The following NPL variants were observed in gnomAD, a reference collection of about 807,000 sequenced individuals.
NPL encodes N-acetylneuraminate pyruvate lyase.
A neutral mutation model predicts 41.1 loss-of-function variants in NPL; 32 were observed. The observed-to-expected ratio is 0.78, with a 90% CI of 0.59 to 1.05. The LOEUF (loss-of-function observed/expected upper bound fraction) is 1.05. Ranked by LOEUF, NPL falls within the 50% of genes least tolerant of loss-of-function variation. NPL has a pLI of 0.00. For missense variants in NPL, 321 were observed against 378.4 expected, an observed-to-expected ratio of 0.85 and a Z score of 1.26; for synonymous variants, 128 against 134.9, an observed-to-expected ratio of 0.95 and a Z score of 0.35.
At chr1:182,824,594 G>C (rs560636015) in intron 11 of NPL, among the ~76,000 whole-genome samples, 1 of 152,222 alleles carries the variant, frequency 6.6e-6, no homozygotes, top group South Asian at 2.1e-4. Flanking sequence ...TCAGGAGATT[G>C]AGACCATCAT....
At position 182,829,427 on chromosome 1, in the gene NPL, T is replaced by C. The variant is rs1667711518; in HGVS notation, c.*519T>C. 1.4e-6 allele frequency: 2 copies of C among 1,418,162 alleles called. No individual in the cohort carries two copies. The highest frequency in any genetic ancestry group is 1.4e-5 in the African/African-American group (1 of 69,042). 87.8% of individuals were successfully genotyped at this position (1,418,162 alleles called of 1,614,324 possible). On this transcript the variant is annotated 3_prime_UTR_variant, in exon 13 of 13. Transcript: ENST00000367553. Reference sequence around the variant, plus strand: ...AGCTCATTTGGCTGCTCAGTCTAACTCTAGAATGGATGCTTTTGAATTCAT... The same window carrying C: ...AGCTCATTTGGCTGCTCAGTCTAACCCTAGAATGGATGCTTTTGAATTCAT...
At chr1:182,822,548 G>A (rs1341188414) in intron 11 of NPL, among the ~76,000 whole-genome samples, 6 of 152,194 alleles carry the variant, frequency 3.9e-5, no homozygotes, top group Admixed American at 6.5e-5. Context: ...CATCACATCA[G>A]AGTTATCACA....
intron 5 of NPL, chr1:182,806,561 C>T (rs1667016723): frequency 1.3e-6 from 2 of 1,533,490 alleles, no homozygotes; most frequent in Non-Finnish European, 1.7e-6. Flanking sequence ...ACGGACTCTG[C>T]TGGTCACTTG....
chr1:182,822,018 G>C (rs543028102), intron 10 of NPL, 97 bp from the exon 11 acceptor site: 19 of 801,088 alleles, frequency 2.4e-5, no homozygotes, highest in Non-Finnish European at 4.2e-5. Context: ...AGGAGGACTA[G>C]GTGTATTTTT....
intron 11 of NPL, among the ~76,000 whole-genome samples, chr1:182,822,587 C>A (rs920862658): frequency 2.0e-5 from 3 of 152,182 alleles, no homozygotes; most frequent in African/African-American, 7.2e-5. Context: ...AAGATGGTAA[C>A]CTAAAATGGG....
In NPL at chr1:182,828,561, G is replaced by A. The variant is rs1482586645; in HGVS notation, c.779-163G>A. On this transcript the variant is annotated intron_variant, in intron 12 of 12. Coordinates refer to ENST00000367553, the MANE Select transcript of NPL (RefSeq NM_030769.3). This position sits in a 1 kb window ranked among gnomAD's most constrained non-coding sequence, Gnocchi z 4.0. ...TGTTTGAAGCAGGAAGAGGGATTTCGAATGATTGCTCATCTGTCATATTGA... is the reference window on the plus strand; with the variant it reads ...TGTTTGAAGCAGGAAGAGGGATTTCAAATGATTGCTCATCTGTCATATTGA... Among the ~76,000 whole-genome samples the A allele has an allele frequency of 7.2e-5, 11 of 152,116 alleles. No individual in the cohort carries two copies. Among genetic ancestry groups the A allele is most frequent in the Admixed American group, 5.9e-4 (9 of 15,282 alleles).
Position 182,796,166 on chromosome 1 carries a change from C to CAAAAAA in NPL, c.68+1742_68+1747dup, listed in dbSNP as rs11419574. 1.2e-3 allele frequency among the ~76,000 whole-genome samples: 120 copies of CAAAAAA among 103,178 alleles called. 2 individuals carry two copies. Among genetic ancestry groups the CAAAAAA allele is most frequent in the African/African-American group, 3.4e-3 (94 of 27,952 alleles). 67.7% of individuals were successfully genotyped at this position (103,178 alleles called of 152,430 possible). Reference sequence around the variant, plus strand: ...ACCTTACTTTCCTAAGGTGTGAAATCAAAAAAAAAAAAAAAAAAAAGAATG... The same window carrying CAAAAAA: ...ACCTTACTTTCCTAAGGTGTGAAATCAAAAAAAAAAAAAAAAAAAAAAAAAAGAATG... On this transcript the variant is annotated intron_variant, in intron 3 of 12. Coordinates refer to ENST00000367553, the MANE Select transcript of NPL (RefSeq NM_030769.3).
At chr1:182,791,148 A>T (rs1666505133) in intron 1 of NPL, 1 of 152,130 alleles carries the variant, frequency 6.6e-6, no homozygotes, top group Admixed American at 6.5e-5. Flanking sequence ...GTTTGGGGGA[A>T]TTCTGAGGTT....
intron 3 of NPL, among the ~76,000 whole-genome samples, chr1:182,802,996 C>G (rs547034852): frequency 8.9e-4 from 135 of 152,340 alleles, no homozygotes; most frequent in Non-Finnish European, 1.5e-3. Context: ...TCCCTTCTAA[C>G]TGCTAACCTT....
At chr1:182,809,423 C>T (rs1048840868) in intron 5 of NPL, 1 of 263,578 alleles carries the variant, frequency 3.8e-6, no homozygotes, top group African/African-American at 2.3e-5. Flanking sequence ...ACCTGTAATC[C>T]CAGCTAAGCA....
intron 5 of NPL, chr1:182,806,644 TC>T: frequency 8.4e-7 from 1 of 1,194,740 alleles, no homozygotes; most frequent in Non-Finnish European, 1.2e-6. Context: ...GGCCCACTTC[TC>T]CTGACAGGTC....
rs550913736 is a variant in NPL at position 182,801,746 on chromosome 1, G to T, written c.69-1952G>T. Among the ~76,000 whole-genome samples, 5 of 152,106 alleles carry T rather than the reference G, an allele frequency of 3.3e-5. No homozygotes were observed. In the South Asian group the frequency reaches 1.0e-3, roughly 32 times the overall value. On this transcript the variant is annotated intron_variant, in intron 3 of 12. Transcript: ENST00000367553. ...AGCTACTTGGGAGGCTGAGGCAAGA[G>T]AATCACTTGAGCCCAGGAGGTCAAG...
intron 3 of NPL, among the ~76,000 whole-genome samples, chr1:182,798,900 G>C (rs148491831): frequency 2.9e-3 from 435 of 152,292 alleles, no homozygotes; most frequent in Admixed American, 7.4e-3. Flanking sequence ...TGGCTGTTTT[G>C]CCAAGAGTGC....
chr1:182,801,032 C>T (rs1205350635), intron 3 of NPL, among the ~76,000 whole-genome samples: 1 of 152,000 alleles, frequency 6.6e-6, no homozygotes, highest in Non-Finnish European at 1.5e-5. Context: ...GCCCAGCAGC[C>T]CTGACATTGT....
intron 5 of NPL, among the ~76,000 whole-genome samples, chr1:182,807,387 A>C (rs1480861481): frequency 6.6e-6 from 1 of 152,192 alleles, no homozygotes; most frequent in Non-Finnish European, 1.5e-5. Context: ...TGTGAAGCCC[A>C]TGATGACCTT....
At position 182,829,734 on chromosome 1, in the gene NPL, T is replaced by G. The variant is rs1232637974; in HGVS notation, c.*826T>G. ...TTATTGAAATCGAAGGCTGACTTCCTTTCTGCAGTGAGCCCAGGGGCTAAT... is the reference window on the plus strand; with the variant it reads ...TTATTGAAATCGAAGGCTGACTTCCGTTCTGCAGTGAGCCCAGGGGCTAAT... On this transcript the variant is annotated 3_prime_UTR_variant, in exon 13 of 13. Transcript: ENST00000367553. 9.1e-7 allele frequency: 1 copy of G among 1,095,602 alleles called. No individual in the cohort carries two copies. The highest frequency in any genetic ancestry group is 1.6e-5 in the African/African-American group (1 of 63,834). The allele number at this position is 1,095,602 out of a possible 1,614,324, so 67.9% of individuals were successfully genotyped here. A position where few individuals can be genotyped will look rare whatever the true frequency, so the allele number is the denominator to read the frequency against.
intron 3 of NPL, among the ~76,000 whole-genome samples, chr1:182,797,115 A>G (rs1666696059): frequency 6.6e-6 from 1 of 152,008 alleles, no homozygotes; most frequent in Non-Finnish European, 1.5e-5. Flanking sequence ...CCAACTCTTA[A>G]GAGTCTGCAG....
At chr1:182,801,657 C>T (rs1666849915) in intron 3 of NPL, among the ~76,000 whole-genome samples, 1 of 152,110 alleles carries the variant, frequency 6.6e-6, no homozygotes, top group South Asian at 2.1e-4. Flanking sequence ...CGAGACCAGT[C>T]TGGGCAACAT....
intron 7 of NPL, among the ~76,000 whole-genome samples, chr1:182,815,809 G>GT (rs1667313247): frequency 6.6e-6 from 1 of 152,104 alleles, no homozygotes. Flanking sequence ...ATGTTGGTAT[G>GT]TTGCCCAGGA....
Sources: allele counts gnomAD v4.1 joint callset (sites outside exome capture counted in the v4.1 genomes callset), GRCh38; gene constraint gnomAD v4.1.1; non-coding constraint Gnocchi (gnomAD v3.1); transcripts MANE v1.5; gene names NCBI Gene and HGNC (gene_info 2026-07-23, HGNC 2026-07-21).